Variants in ADARB2 observed in about 807,000 individuals in gnomAD.
ADARB2 encodes the protein adenosine deaminase RNA specific B2 (inactive).
ADARB2 carries 25 observed loss-of-function variants against 62.2 expected under a neutral mutation model. The ratio of observed to expected loss-of-function variants is 0.40; its 90% confidence interval spans 0.29 to 0.56. The LOEUF (loss-of-function observed/expected upper bound fraction) is 0.56, where lower values mean the gene tolerates loss of function less well. Among genes scored for constraint, ADARB2 ranks in the 20% least tolerant of loss-of-function variants. The pLI is 0.43. For synonymous variants in ADARB2, 572 were observed against 500.8 expected (o/e 1.14, Z -1.90); for missense variants, 1,071 against 1,077.4 (o/e 0.99, Z 0.08).
chr10:1,272,307 G>A (rs920905247), intron 3 of ADARB2, among the ~76,000 whole-genome samples: 2 of 152,204 alleles, frequency 1.3e-5, no homozygotes, highest in African/African-American at 4.8e-5. Flanking sequence ...GTGTGTGGAC[G>A]CTGATGCTGC....
chr10:1,311,990 T>C (rs976831807), intron 3 of ADARB2, among the ~76,000 whole-genome samples: 1 of 152,216 alleles, frequency 6.6e-6, no homozygotes, highest in Non-Finnish European at 1.5e-5. Context: ...CAGGATGGAA[T>C]CTTTAATTAC....
chr10:1,415,010 G>A (rs1588250129), intron 1 of ADARB2, among the ~76,000 whole-genome samples: 2 of 151,720 alleles, frequency 1.3e-5, no homozygotes, highest in South Asian at 4.2e-4. Context: ...TGGATGGATG[G>A]ATGGATAGAT....
At chr10:1,714,732 G>A (rs553842115) in intron 1 of ADARB2, among the ~76,000 whole-genome samples, 26 of 152,300 alleles carry the variant, frequency 1.7e-4, no homozygotes, top group African/African-American at 4.3e-4. Flanking sequence ...GTGGCTCCAC[G>A]AAGCCTGTGA....
At position 1,561,723 on chromosome 10, in the gene ADARB2, C is replaced by T. The variant is rs1832787769; in HGVS notation, c.100+175328G>A. Among the ~76,000 whole-genome samples the T allele has an allele frequency of 2.6e-5, 4 of 152,250 alleles. No individual in the cohort carries two copies. The South Asian group carries it at 8.3e-4, about 32-fold the overall frequency. Reference sequence around the variant, plus strand: ...ATCTCATGCACCGTACCCTAGAACTCCCCCCAGGTGGAGGTCTGAGAGGCT... The same window carrying T: ...ATCTCATGCACCGTACCCTAGAACTTCCCCCAGGTGGAGGTCTGAGAGGCT... On this transcript the variant is annotated intron_variant, in intron 1 of 9. Transcript: ENST00000381312.
At chr10:1,560,590 T>G (rs1832773101) in intron 1 of ADARB2, among the ~76,000 whole-genome samples, 1 of 33,842 alleles carries the variant, frequency 3.0e-5, no homozygotes, top group African/African-American at 5.0e-5. Context: ...GGGGGGTGGG[T>G]TGGATTGGAG....
intron 1 of ADARB2, among the ~76,000 whole-genome samples, chr10:1,638,701 G>A (rs1833943050): frequency 6.6e-6 from 1 of 151,866 alleles, no homozygotes; most frequent in Admixed American, 6.6e-5. Context: ...AGGATTAAGT[G>A]TTTTTTTTGT....
intron 1 of ADARB2, among the ~76,000 whole-genome samples, chr10:1,443,046 G>T (rs1020073150): frequency 6.6e-6 from 1 of 152,160 alleles, no homozygotes; most frequent in African/African-American, 2.4e-5. Context: ...ACCTACAATG[G>T]GTTGGGAAGG....
intron 1 of ADARB2, among the ~76,000 whole-genome samples, chr10:1,583,521 A>T (rs938682936): frequency 6.6e-6 from 1 of 152,238 alleles, no homozygotes; most frequent in Admixed American, 6.5e-5. Context: ...TCAGATGCTT[A>T]GGTATGAATC....
chr10:1,633,088 T>TTCCTGCTTCTCCTCCTGCTTC (rs1554776891), intron 1 of ADARB2, among the ~76,000 whole-genome samples: 1 of 152,124 alleles, frequency 6.6e-6, no homozygotes, highest in Non-Finnish European at 1.5e-5. Context: ...TCTCCTGCTT[T>TTCCTGCTTCTCCTCCTGCTTC]TCCTGCTTCT....
intron 3 of ADARB2, among the ~76,000 whole-genome samples, chr10:1,289,703 C>A (rs1251373610): frequency 6.6e-6 from 1 of 152,266 alleles, no homozygotes; most frequent in East Asian, 1.9e-4. Context: ...CTATGCAGGC[C>A]TCATACCACG....
chr10:1,530,482 G>A (rs1011838027), intron 1 of ADARB2, among the ~76,000 whole-genome samples: 3 of 152,138 alleles, frequency 2.0e-5, no homozygotes, highest in South Asian at 2.1e-4. Context: ...CTCTCTGCAC[G>A]GCCACTGCTT....
chr10:1,244,506 A>G (rs570375337), intron 4 of ADARB2, among the ~76,000 whole-genome samples: 1 of 152,212 alleles, frequency 6.6e-6, no homozygotes, highest in East Asian at 1.9e-4. Flanking sequence ...CCCCTCATTG[A>G]TTCCCAGCTC....
At chr10:1,424,582 G>A (rs1832879700) in intron 1 of ADARB2, among the ~76,000 whole-genome samples, 1 of 152,058 alleles carries the variant, frequency 6.6e-6, no homozygotes, top group Non-Finnish European at 1.5e-5. Context: ...TGCCCCTAAA[G>A]TGGTCATTTA....
intron 4 of ADARB2, among the ~76,000 whole-genome samples, chr10:1,254,171 ATGGTGGGCTCTGTGGTTAGGATG>A (rs1397169899): frequency 5.3e-4 from 75 of 141,354 alleles, no homozygotes; most frequent in Admixed American, 3.2e-3. Context: ...TGGTTAGGAC[ATGGTGGGCTCTGTGGTTAGGATG>A]TGGTGGGCTC....
chr10:1,305,753 A>C (rs371470733), intron 3 of ADARB2, among the ~76,000 whole-genome samples: 19 of 152,120 alleles, frequency 1.2e-4, no homozygotes, highest in Admixed American at 5.2e-4. Context: ...TCAACATACG[A>C]AAATCAATAA....
At chr10:1,342,148 T>C (rs1056884165) in intron 3 of ADARB2, among the ~76,000 whole-genome samples, 1 of 152,236 alleles carries the variant, frequency 6.6e-6, no homozygotes, top group African/African-American at 2.4e-5. Flanking sequence ...CTCTCAAAGA[T>C]GGGCAGTTAC....
chr10:1,695,690 ATG>A (rs1221829836), intron 1 of ADARB2, among the ~76,000 whole-genome samples: 9 of 151,930 alleles, frequency 5.9e-5, no homozygotes, highest in Admixed American at 2.0e-4. Context: ...AGAAACATGA[ATG>A]TGTGTGCATG....
At chr10:1,211,544 C>T (rs1423214752) in intron 7 of ADARB2, among the ~76,000 whole-genome samples, 1 of 152,160 alleles carries the variant, frequency 6.6e-6, no homozygotes, top group Non-Finnish European at 1.5e-5. Flanking sequence ...TGAGGGCCTC[C>T]CGGGTTCAGA....
chr10:1,437,219 C>CATATAT lies in ADARB2; in HGVS notation c.101-58065_101-58060dup, dbSNP rs200361666. 4.6e-5 allele frequency among the ~76,000 whole-genome samples: 7 copies of CATATAT among 150,674 alleles called. No homozygotes were observed. In the South Asian group the frequency reaches 1.5e-3, roughly 32 times the overall value. On this transcript the variant is annotated intron_variant, in intron 1 of 9. Coordinates refer to ENST00000381312, the MANE Select transcript of ADARB2 (RefSeq NM_018702.4). ...TGTCTTCCAAAAATAATTTGGTATACATATATATATATACACACACACACA... is the reference window on the plus strand; with the variant it reads ...TGTCTTCCAAAAATAATTTGGTATACATATATATATATATATATACACACACACACA...
Sources: gnomAD v4.1 joint callset for allele counts (sites outside exome capture counted in the v4.1 genomes callset) on GRCh38, gnomAD v4.1.1 for gene constraint, MANE v1.5 for transcripts, NCBI Gene and HGNC (gene_info 2026-07-23, HGNC 2026-07-21) for gene names.